PMS2: variants seen among roughly 807,000 people sequenced by gnomAD.
The protein encoded by PMS2 is PMS1 homolog 2, mismatch repair system component.
In PMS2, 69 loss-of-function variants were observed where a neutral mutation model predicts 90.0. That is an observed-to-expected ratio of 0.77 (90% CI 0.63 to 0.94). The LOEUF (loss-of-function observed/expected upper bound fraction) is 0.94. PMS2 is among the 40% of genes least tolerant of loss of function. The pLI is 0.00. For synonymous variants in PMS2, 332 were observed against 375.1 expected, an observed-to-expected ratio of 0.89 and a Z score of 1.33; for missense variants, 966 against 1,040.2, an observed-to-expected ratio of 0.93 and a Z score of 0.98.
intron 11 of PMS2, among the ~76,000 whole-genome samples, chr7:5,986,507 C>T (rs1782879563): frequency 6.6e-6 from 1 of 152,000 alleles, no homozygotes; most frequent in African/African-American, 2.4e-5. Flanking sequence ...GCCCAGCCAA[C>T]ATGGTGAAAC....
intron 1 of PMS2, 68 bp downstream of exon 1, chr7:6,008,929 T>A (rs1290591613): frequency 1.9e-6 from 3 of 1,583,900 alleles, no homozygotes; most frequent in Admixed American, 3.3e-5. Flanking sequence ...TCCAGGGAGG[T>A]TGGAATGCCG....
rs576942328 is a variant in PMS2, at chr7:6,003,761, C to T, written c.282G>A (p.Glu94=). The T allele has an allele frequency of 1.2e-6, 2 of 1,604,546 alleles. No individual in the cohort carries two copies. The highest frequency in any genetic ancestry group is 4.5e-5 in the East Asian group (2 of 44,846). Residue 94 remains glutamate (E), a synonymous_variant, in exon 4 of 15, where the codon GAG becomes GAA. Transcript: ENST00000265849. ...TLKHHTSKIQ[E]FADLTQVETF... ...TTTCAACCTGAGTTAGGTCGGCAAACTCTTGAATCTTAGATGTGTGATGTT... is the reference window on the plus strand; with the variant it reads ...TTTCAACCTGAGTTAGGTCGGCAAATTCTTGAATCTTAGATGTGTGATGTT...
In PMS2 at chr7:6,002,556, T is replaced by A. The variant is rs1064795040; in HGVS notation, c.434A>T (p.Gln145Leu). ...TCTGGGGCGGGGGTAGGGGGTTTTCTGGATAATTTTCCCATTGTGATCAAA... is the reference window on the plus strand; with the variant it reads ...TCTGGGGCGGGGGTAGGGGGTTTTCAGGATAATTTTCCCATTGTGATCAAA... ...LMFDHNGKIIQKTPYPRPRGT... is the reference protein window; with the variant it reads ...LMFDHNGKIILKTPYPRPRGT... The change falls in exon 5 of 15, where the codon CAG becomes CTG. Residue 145 changes from glutamine (Q) to leucine (L), a missense_variant. Coordinates refer to ENST00000265849, the MANE Select transcript of PMS2 (RefSeq NM_000535.7). 6.2e-7 allele frequency: 1 copy of A among 1,611,788 alleles called. No homozygotes were observed. The highest frequency in any genetic ancestry group is 1.3e-5 in the African/African-American group (1 of 74,870).
In PMS2 at chr7:5,983,011, A is replaced by C; in HGVS notation, c.2007-20T>G. On this transcript the variant is annotated intron_variant, in intron 11 of 14. Transcript: ENST00000265849. ...GTTTTACTGCAGGTAGAAAATGTTA[A>C]TTATCAGACATTTTACAAGATTATT... 1 of 1,439,536 alleles carries C rather than the reference A, an allele frequency of 6.9e-7. No individual in the cohort carries two copies. Among genetic ancestry groups the C allele is most frequent in the Non-Finnish European group, 9.6e-7 (1 of 1,046,384 alleles). 89.2% of individuals were successfully genotyped at this position (1,439,536 alleles called of 1,614,324 possible).
At chr7:5,990,240 T>C (rs1783587403) in intron 9 of PMS2, among the ~76,000 whole-genome samples, 1 of 152,170 alleles carries the variant, frequency 6.6e-6, no homozygotes, top group African/African-American at 2.4e-5. Context: ...ACTCACAACC[T>C]CAAGTGATCC....
intron 10 of PMS2, among the ~76,000 whole-genome samples, chr7:5,988,160 C>CAAGAGG (rs1452615687): frequency 2.0e-5 from 3 of 150,836 alleles, no homozygotes; most frequent in Admixed American, 6.6e-5. Flanking sequence ...AGATCAGGAT[C>CAAGAGG]AAGAGGAATG....
intron 11 of PMS2, among the ~76,000 whole-genome samples, chr7:5,986,487 T>A (rs1201435482): frequency 6.6e-6 from 1 of 151,812 alleles, no homozygotes; most frequent in Non-Finnish European, 1.5e-5. Context: ...AAGTCAGGAG[T>A]TCGAGACCAG....
At chr7:6,005,338 G>C (rs535602348) in intron 2 of PMS2, among the ~76,000 whole-genome samples, 1 of 152,256 alleles carries the variant, frequency 6.6e-6, no homozygotes, top group East Asian at 1.9e-4. Context: ...CCAAGTAGCT[G>C]GGATTACAGG....
chr7:5,999,756 A>G (rs920386218), intron 5 of PMS2, among the ~76,000 whole-genome samples: 2 of 152,054 alleles, frequency 1.3e-5, no homozygotes, highest in Admixed American at 6.6e-5. Context: ...TGATTGCACC[A>G]CTGCACTCCA....
chr7:5,994,647 G>T (rs982691507), intron 8 of PMS2, among the ~76,000 whole-genome samples: 3 of 151,486 alleles, frequency 2.0e-5, no homozygotes, highest in Non-Finnish European at 4.4e-5. Context: ...GTGGTGGCAG[G>T]CACCTGTAGT....
intron 5 of PMS2, among the ~76,000 whole-genome samples, chr7:6,001,473 C>A (rs767759883): frequency 3.3e-5 from 5 of 151,306 alleles, no homozygotes; most frequent in African/African-American, 4.9e-5. Flanking sequence ...CGGATTCCAG[C>A]GATTCTCCTG....
intron 5 of PMS2, among the ~76,000 whole-genome samples, chr7:6,001,608 A>G (rs1785095370): frequency 6.6e-6 from 1 of 152,012 alleles, no homozygotes; most frequent in East Asian, 1.9e-4. Flanking sequence ...TGACCTCGTG[A>G]TCCACCCGCC....
intron 6 of PMS2, 50 bp from the exon 7 acceptor site, chr7:5,997,473 T>A (rs753041029): frequency 9.8e-7 from 1 of 1,018,744 alleles, no homozygotes; most frequent in Non-Finnish European, 1.5e-6. Context: ...AAAGACAGAG[T>A]GGACTTAATC....
Position 5,983,009 on chromosome 7 carries a change from T to G in PMS2, c.2007-18A>C. ...TCGTTTTACTGCAGGTAGAAAATGT[T>G]AATTATCAGACATTTTACAAGATTA... On this transcript the variant is annotated intron_variant, in intron 11 of 14. Transcript: ENST00000265849. The G allele has an allele frequency of 6.9e-7, 1 of 1,444,764 alleles. No individual in the cohort carries two copies. The highest frequency in any genetic ancestry group is 1.2e-5 in the South Asian group (1 of 82,790). 89.5% of individuals were successfully genotyped at this position (1,444,764 alleles called of 1,614,324 possible). A position where few individuals can be genotyped will look rare whatever the true frequency, so the allele number is the denominator to read the frequency against.
chr7:5,990,084 T>G (rs1443286398), intron 9 of PMS2, 129 bp from the exon 10 acceptor site: 2 of 538,994 alleles, frequency 3.7e-6, no homozygotes, highest in South Asian at 4.4e-5. Context: ...CTCAGCTCAC[T>G]GCAACCTCCG....
At chr7:6,003,900 G>A (rs1177446679) in intron 3 of PMS2, 72 bp downstream of exon 3, 9 of 1,268,128 alleles carry the variant, frequency 7.1e-6, no homozygotes, top group East Asian at 2.3e-5. Context: ...CATTTCCCAA[G>A]ACAGTGTTAC....
chr7:5,988,548 G>C lies in PMS2; in HGVS notation c.1145-928C>G, dbSNP rs112881158. Among the ~76,000 whole-genome samples the C allele has an allele frequency of 1.5e-3, 228 of 152,262 alleles. 1 individual carries two copies. The highest frequency in any genetic ancestry group is 4.2e-3 in the African/African-American group (173 of 41,570). ...ACTGCACTCCAGCCTGGGCGACAGA[G>C]TGAGACTCCCTCTCAAAAAAAAGAA... On this transcript the variant is annotated intron_variant, in intron 10 of 14. Transcript: ENST00000265849.
At chr7:5,998,928 T>G (rs1424044108) in intron 6 of PMS2, among the ~76,000 whole-genome samples, 180 bp downstream of exon 6, 2 of 151,218 alleles carry the variant, frequency 1.3e-5, no homozygotes, top group African/African-American at 4.9e-5. Flanking sequence ...AGGCGGAGGT[T>G]GCAGTGAGCC....
At chr7:5,983,968 A>G (rs1415092441) in intron 11 of PMS2, among the ~76,000 whole-genome samples, 1 of 151,828 alleles carries the variant, frequency 6.6e-6, no homozygotes, top group Admixed American at 6.6e-5. Context: ...ATTCTTTTTA[A>G]TGGCCACATA....
Sources: gnomAD v4.1 joint callset for allele counts (sites outside exome capture counted in the v4.1 genomes callset) on GRCh38, gnomAD v4.1.1 for gene constraint, MANE v1.5 for transcripts, NCBI Gene and HGNC (gene_info 2026-07-23, HGNC 2026-07-21) for gene names.